CTDSPL2: variants seen among roughly 807,000 people sequenced by gnomAD.
CTDSPL2 encodes the protein CTD small phosphatase-like protein 2.
A neutral mutation model predicts 60.0 loss-of-function variants in CTDSPL2; 5 were observed. The observed-to-expected ratio is 0.08, with a 90% CI of 0.04 to 0.18. The LOEUF is 0.18. CTDSPL2 is among the 10% of genes least tolerant of loss of function. CTDSPL2 has a pLI of 1.00. For missense variants in CTDSPL2, 370 were observed against 548.8 expected (o/e 0.67, Z 3.26); for synonymous variants, 186 against 189.3 (o/e 0.98, Z 0.14).
chr15:44,504,361 GAA>G (rs2081425199), intron 8 of CTDSPL2, among the ~76,000 whole-genome samples: 1 of 151,988 alleles, frequency 6.6e-6, no homozygotes, highest in Non-Finnish European at 1.5e-5. Context: ...AAAAAGAAAA[GAA>G]AGAACAAGAG....
At chr15:44,522,889 A>G (rs773879525) in intron 12 of CTDSPL2, among the ~76,000 whole-genome samples, 16 of 152,208 alleles carry the variant, frequency 1.1e-4, no homozygotes, top group Non-Finnish European at 2.1e-4. Flanking sequence ...CTTAGCTTTA[A>G]AGACCAATGT....
At chr15:44,453,169 C>T (rs2080364585) in intron 1 of CTDSPL2, among the ~76,000 whole-genome samples, 1 of 151,992 alleles carries the variant, frequency 6.6e-6, no homozygotes, top group Non-Finnish European at 1.5e-5. Flanking sequence ...TTAGAACTTC[C>T]AGTAAAATGT....
Position 44,504,184 on chromosome 15 carries a change from C to CA in CTDSPL2, c.969+4378dup, listed in dbSNP as rs993629085. Among the ~76,000 whole-genome samples, 227 of 151,912 alleles carry CA rather than the reference C, an allele frequency of 1.5e-3. 1 individual carries two copies. The highest frequency in any genetic ancestry group is 5.1e-3 in the African/African-American group (210 of 41,458). ...CCAACATGGCAAAACCCTATCTCCA[C>CA]AAAAAAATAAAAAAAATTAGCCGGG... On this transcript the variant is annotated intron_variant, in intron 8 of 12. Transcript: ENST00000260327.
Position 44,526,222 on chromosome 15 carries a change from C to G in CTDSPL2, c.*2048C>G, listed in dbSNP as rs889205051. On this transcript the variant is annotated 3_prime_UTR_variant, in exon 13 of 13. Coordinates refer to ENST00000260327, the MANE Select transcript of CTDSPL2 (RefSeq NM_016396.3). ...AAATTGTGAACCTAGTTACATTTCT[C>G]CCTGCTCCCTTCCTTTTTATGCTCA... is the stretch of plus-strand genomic sequence containing the variant. 1 of 152,088 alleles carries G rather than the reference C, an allele frequency of 6.6e-6. No individual in the cohort carries two copies. The highest frequency in any genetic ancestry group is 1.5e-5 in the Non-Finnish European group (1 of 67,972). 9.4% of individuals were successfully genotyped at this position (152,088 alleles called of 1,614,324 possible).
intron 2 of CTDSPL2, among the ~76,000 whole-genome samples, chr15:44,470,768 A>G (rs906243053): frequency 3.3e-5 from 5 of 152,196 alleles, no homozygotes; most frequent in African/African-American, 1.2e-4. Flanking sequence ...TATTTTGTCT[A>G]TTTATATTTA....
At chr15:44,464,447 A>G (rs1163748928) in intron 2 of CTDSPL2, among the ~76,000 whole-genome samples, 1 of 152,168 alleles carries the variant, frequency 6.6e-6, no homozygotes, top group East Asian at 1.9e-4. Context: ...TGCTGCTAGG[A>G]TTTAAACTCA....
Position 44,524,197 on chromosome 15 carries a change from T to C in CTDSPL2, c.*23T>C, listed in dbSNP as rs376234715. 1.3e-6 allele frequency: 2 copies of C among 1,587,670 alleles called. No individual in the cohort carries two copies. The highest frequency in any genetic ancestry group is 1.7e-6 in the Non-Finnish European group (2 of 1,156,202). ...TAAGTACAAAGACTTGTCAAATCAC[T>C]GAAGGGGGAGAGAATGCAGGACCCT... On this transcript the variant is annotated 3_prime_UTR_variant, in exon 13 of 13. Coordinates refer to ENST00000260327, the MANE Select transcript of CTDSPL2 (RefSeq NM_016396.3).
chr15:44,453,126 G>T lies in CTDSPL2; in HGVS notation c.-24-5865G>T, dbSNP rs550110357. Among the ~76,000 whole-genome samples, 7 of 151,960 alleles carry T rather than the reference G, an allele frequency of 4.6e-5. No homozygotes were observed. The East Asian group carries it at 1.2e-3, about 25-fold the overall frequency. On this transcript the variant is annotated intron_variant, in intron 1 of 12. Coordinates refer to ENST00000260327, the MANE Select transcript of CTDSPL2 (RefSeq NM_016396.3). ...TTCACCTTTTTTTCTTTTTAATATG[G>T]ATTTCTTTTATTTTTCTAGCCTAAT...
At chr15:44,463,587 C>T (rs979324842) in intron 2 of CTDSPL2, among the ~76,000 whole-genome samples, 1 of 152,132 alleles carries the variant, frequency 6.6e-6, no homozygotes, top group Non-Finnish European at 1.5e-5. Flanking sequence ...TTACTAAAAT[C>T]GGAGTGAAAT....
chr15:44,451,986 A>G (rs943519285), intron 1 of CTDSPL2, among the ~76,000 whole-genome samples: 31 of 152,310 alleles, frequency 2.0e-4, no homozygotes, highest in Admixed American at 1.8e-3. Context: ...ATTCACTTCT[A>G]AGAAACTGTC....
chr15:44,524,317 A>G lies in CTDSPL2; in HGVS notation c.*143A>G, dbSNP rs1195683195. On this transcript the variant is annotated 3_prime_UTR_variant, in exon 13 of 13. Coordinates refer to ENST00000260327, the MANE Select transcript of CTDSPL2 (RefSeq NM_016396.3). Reference sequence around the variant, plus strand: ...TTATCTTTGGTGCCCAATAATAATTAAGGGTTACAGAAAGAGACTTTATCT... The same window carrying G: ...TTATCTTTGGTGCCCAATAATAATTGAGGGTTACAGAAAGAGACTTTATCT... 1 of 660,266 alleles carries G rather than the reference A, an allele frequency of 1.5e-6. No homozygotes were observed. The highest frequency in any genetic ancestry group is 2.7e-6 in the Non-Finnish European group (1 of 371,482). 40.9% of individuals were successfully genotyped at this position (660,266 alleles called of 1,614,324 possible). A position where few individuals can be genotyped will look rare whatever the true frequency, so the allele number is the denominator to read the frequency against.
At chr15:44,432,510 T>C (rs1252692439) in intron 1 of CTDSPL2, among the ~76,000 whole-genome samples, 1 of 152,054 alleles carries the variant, frequency 6.6e-6, no homozygotes, top group Non-Finnish European at 1.5e-5. Context: ...TTAGTAGACA[T>C]GGGGTTTCAC....
intron 2 of CTDSPL2, among the ~76,000 whole-genome samples, chr15:44,466,755 AC>A (rs1296680797): frequency 6.8e-6 from 1 of 148,026 alleles, no homozygotes; most frequent in Non-Finnish European, 1.5e-5. Flanking sequence ...CCACAGTGAA[AC>A]CCCGTCTCTA....
intron 1 of CTDSPL2, among the ~76,000 whole-genome samples, chr15:44,432,013 C>T (rs1349577720): frequency 6.6e-6 from 1 of 151,694 alleles, no homozygotes; most frequent in African/African-American, 2.4e-5. Context: ...TGTGAGCCAC[C>T]GCGCCTGGCC....
At chr15:44,463,658 G>A (rs2080622887) in intron 2 of CTDSPL2, among the ~76,000 whole-genome samples, 2 of 152,164 alleles carry the variant, frequency 1.3e-5, no homozygotes, top group Non-Finnish European at 1.5e-5. Context: ...TGGTTAATTT[G>A]TCACATATTA....
At chr15:44,514,913 T>C in intron 10 of CTDSPL2, 69 bp downstream of exon 10, 1 of 941,278 alleles carries the variant, frequency 1.1e-6, no homozygotes, top group African/African-American at 1.6e-5. Context: ...TTCTATTTCA[T>C]TTTAATGGCC....
At chr15:44,449,138 G>A (rs569371392) in intron 1 of CTDSPL2, 7 of 310,054 alleles carry the variant, frequency 2.3e-5, no homozygotes, top group African/African-American at 1.6e-4. Flanking sequence ...TACTAGGTGG[G>A]ATAGTAATCA....
rs536750890 is a variant in CTDSPL2 at position 44,438,418 on chromosome 15, G to A, written c.-25+10646G>A. 1.5e-4 allele frequency among the ~76,000 whole-genome samples: 23 copies of A among 152,278 alleles called. No individual in the cohort carries two copies. The South Asian group carries it at 4.6e-3, about 30-fold the overall frequency. On this transcript the variant is annotated intron_variant, in intron 1 of 12. Transcript: ENST00000260327. ...AGAGGAACAGGCAAGTTTGTGCAGT[G>A]CCCAGGATCGATTTAAAGGGGACAA...
At chr15:44,428,608 T>C (rs1462720282) in intron 1 of CTDSPL2, among the ~76,000 whole-genome samples, 4 of 152,254 alleles carry the variant, frequency 2.6e-5, no homozygotes, top group Non-Finnish European at 4.4e-5. Context: ...CCTGAGATCC[T>C]GAAATGAAAC....
Sources: allele counts gnomAD v4.1 joint callset (sites outside exome capture counted in the v4.1 genomes callset), GRCh38; gene constraint gnomAD v4.1.1; transcripts MANE v1.5; gene names NCBI Gene and HGNC (gene_info 2026-07-23, HGNC 2026-07-21).